NMNAT2: variants seen among roughly 807,000 people sequenced by gnomAD.
NMNAT2 encodes the protein nicotinamide nucleotide adenylyltransferase 2.
NMNAT2 carries 11 observed loss-of-function variants against 41.6 expected under a neutral mutation model. That is an observed-to-expected ratio of 0.26 (90% CI 0.17 to 0.44). The LOEUF (loss-of-function observed/expected upper bound fraction) is 0.44. Ranked by LOEUF, NMNAT2 falls within the 20% of genes least tolerant of loss-of-function variation. The probability of loss-of-function intolerance (pLI) is 1.00; values close to 1 mark genes in which losing one functional copy is unlikely to be tolerated. For missense variants in NMNAT2, 288 were observed against 407.7 expected (o/e 0.71, Z 2.53); for synonymous variants, 148 against 151.2 (o/e 0.98, Z 0.16).
At chr1:183,409,421 A>C (rs1649053471) in intron 1 of NMNAT2, among the ~76,000 whole-genome samples, 1 of 152,140 alleles carries the variant, frequency 6.6e-6, no homozygotes, top group African/African-American at 2.4e-5. Flanking sequence ...GGCTCAAGCC[A>C]TCCTCCCACC....
intron 8 of NMNAT2, among the ~76,000 whole-genome samples, chr1:183,265,258 C>CTTCT (rs1660781873): frequency 1.5e-5 from 1 of 64,526 alleles, no homozygotes; most frequent in Admixed American, 2.6e-4. Context: ...TCTTCTTCTT[C>CTTCT]TTTTTTTTTT....
chr1:183,414,669 C>T (rs995750225), intron 1 of NMNAT2, among the ~76,000 whole-genome samples: 6 of 152,158 alleles, frequency 3.9e-5, no homozygotes, highest in Admixed American at 1.3e-4. Flanking sequence ...CTCACAAATA[C>T]TATTTTTTCC....
intron 1 of NMNAT2, among the ~76,000 whole-genome samples, chr1:183,378,088 CAATTTTAAA>C (rs1663717132): frequency 6.6e-6 from 1 of 151,992 alleles, no homozygotes; most frequent in African/African-American, 2.4e-5. Context: ...TAACATAAGT[CAATTTTAAA>C]AAAATAAAAA....
intron 1 of NMNAT2, among the ~76,000 whole-genome samples, chr1:183,399,493 C>T (rs911069930): frequency 1.3e-5 from 2 of 152,166 alleles, no homozygotes; most frequent in Non-Finnish European, 2.9e-5. Flanking sequence ...CAAAGAGGAG[C>T]TGGTACCATT....
intron 1 of NMNAT2, among the ~76,000 whole-genome samples, chr1:183,332,384 C>T (rs954379451): frequency 3.9e-5 from 6 of 152,000 alleles, no homozygotes; most frequent in African/African-American, 1.5e-4. Context: ...ACCCTGGATG[C>T]GCCTCAGAAT....
intron 7 of NMNAT2, 73 bp from the exon 8 acceptor site, chr1:183,278,702 C>A: frequency 9.4e-7 from 1 of 1,061,092 alleles, no homozygotes. Context: ...CAGCCTTCTT[C>A]CCCTGGTGAA....
chr1:183,294,562 G>T (rs1245619059), intron 1 of NMNAT2, among the ~76,000 whole-genome samples: 1 of 152,196 alleles, frequency 6.6e-6, no homozygotes, highest in African/African-American at 2.4e-5. Context: ...GGAGGCCGAG[G>T]CAGGTGGATC....
intron 1 of NMNAT2, among the ~76,000 whole-genome samples, chr1:183,324,484 G>A (rs975383882): frequency 2.0e-5 from 3 of 152,142 alleles, no homozygotes; most frequent in Non-Finnish European, 4.4e-5. Context: ...AATAAACTCC[G>A]AACTGCTTAT....
In NMNAT2 at chr1:183,292,825, C is replaced by A; in HGVS notation, c.207G>T (p.Met69Ile). Reference protein sequence around the residue: ...GLVSSRHRLIMCQLAVQNSDW... With the variant: ...GLVSSRHRLIICQLAVQNSDW... ...CAGAATTCTGGACGGCCAGCTGACA[C>A]ATGATGAGACGGTGCCGGCTTGACA... The change falls in exon 3 of 11, where the codon ATG (methionine) becomes ATT (isoleucine). Residue 69 changes from methionine (M) to isoleucine (I), a missense_variant. Coordinates refer to ENST00000287713, the MANE Select transcript of NMNAT2 (RefSeq NM_015039.4). 1 of 1,614,132 alleles carries A rather than the reference C, an allele frequency of 6.2e-7. No homozygotes were observed. The highest frequency in any genetic ancestry group is 8.5e-7 in the Non-Finnish European group (1 of 1,180,006).
intron 1 of NMNAT2, among the ~76,000 whole-genome samples, chr1:183,349,839 G>T (rs974992097): frequency 6.6e-6 from 1 of 152,186 alleles, no homozygotes; most frequent in African/African-American, 2.4e-5. Flanking sequence ...CAGACTGGGA[G>T]TCTGGGAGGG....
At chr1:183,407,178 C>A (rs1648980553) in intron 1 of NMNAT2, among the ~76,000 whole-genome samples, 1 of 152,204 alleles carries the variant, frequency 6.6e-6, no homozygotes, top group Non-Finnish European at 1.5e-5. Context: ...ATGTCCCATG[C>A]ACCCGCCTGA....
At chr1:183,345,724 T>C (rs2102348504) in intron 1 of NMNAT2, among the ~76,000 whole-genome samples, 1 of 151,914 alleles carries the variant, frequency 6.6e-6, no homozygotes, top group South Asian at 2.1e-4. Flanking sequence ...TCTCACACTG[T>C]TGCCCAGGCT....
At chr1:183,284,570 G>A (rs973046165) in intron 6 of NMNAT2, 140 bp downstream of exon 6, 15 of 748,652 alleles carry the variant, frequency 2.0e-5, no homozygotes, top group African/African-American at 5.1e-5. Context: ...GGGGGGATAC[G>A]TTGTGCACAA....
At chr1:183,283,290 C>T (rs1254507515) in intron 7 of NMNAT2, 2 of 152,488 alleles carry the variant, frequency 1.3e-5, no homozygotes, top group Non-Finnish European at 2.9e-5. Context: ...CTTCTTGTCC[C>T]CTGGTACCTG....
Position 183,261,258 on chromosome 1 carries a change from C to G in NMNAT2, c.697G>C (p.Asp233His), listed in dbSNP as rs749441107. Residue 233 changes from aspartate (D) to histidine (H), a missense_variant, in exon 9 of 11, where the codon GAT becomes CAT. By Grantham distance (81) the Asp-to-His change is moderately conservative. Around this residue, in one of 3 missense-constraint regions of NMNAT2, gnomAD observed 181 missense variants for 213.7 expected, o/e 0.85. Coordinates refer to ENST00000287713, the MANE Select transcript of NMNAT2 (RefSeq NM_015039.4). ...GDFGIVVVPR[D>H]AADTDRIMNH... is the part of the protein sequence containing the mutation. ...ATGATTCGGTCTGTGTCGGCTGCAT[C>G]CCGGGGCACCACCACAATCCCAAAG... 4.3e-6 allele frequency: 7 copies of G among 1,613,900 alleles called. No homozygotes were observed. Among genetic ancestry groups the G allele is most frequent in the Non-Finnish European group, 3.4e-6 (4 of 1,180,034 alleles).
intron 10 of NMNAT2, among the ~76,000 whole-genome samples, chr1:183,253,404 TCTCA>T (rs1660442547): frequency 6.6e-6 from 1 of 151,134 alleles, no homozygotes; most frequent in Non-Finnish European, 1.5e-5. Flanking sequence ...ATATCCATCA[TCTCA>T]CTCAGATATG....
At chr1:183,261,404 G>A in intron 8 of NMNAT2, 101 bp from the exon 9 acceptor site, 1 of 1,085,694 alleles carries the variant, frequency 9.2e-7, no homozygotes, top group Non-Finnish European at 1.4e-6. Flanking sequence ...CTTCCACATG[G>A]AGCCCCAAGC....
chr1:183,383,960 A>T (rs1428097899), intron 1 of NMNAT2, among the ~76,000 whole-genome samples: 1 of 152,104 alleles, frequency 6.6e-6, no homozygotes, highest in Non-Finnish European at 1.5e-5. Flanking sequence ...CTTTATAGCA[A>T]TGTCCCACTT....
chr1:183,390,931 T>A (rs945657549), intron 1 of NMNAT2, among the ~76,000 whole-genome samples: 2 of 152,166 alleles, frequency 1.3e-5, no homozygotes, highest in African/African-American at 4.8e-5. Context: ...GTGATGCACG[T>A]GAGTTTCAGG....
Sources: gnomAD v4.1 joint callset for allele counts (sites outside exome capture counted in the v4.1 genomes callset) on GRCh38, gnomAD v4.1.1 for gene constraint, gnomAD v4.1.1 regional missense constraint, MANE v1.5 for transcripts, NCBI Gene and HGNC (gene_info 2026-07-23, HGNC 2026-07-21) for gene names.